KIAA0825: variants seen among roughly 807,000 people sequenced by gnomAD.
KIAA0825 encodes the protein uncharacterized protein KIAA0825.
Under a neutral mutation model 147.6 loss-of-function variants are expected in KIAA0825, and 119 were observed. The ratio of observed to expected loss-of-function variants is 0.81; its 90% CI spans 0.69 to 0.94. KIAA0825 has a LOEUF of 0.94. Ranked by LOEUF, KIAA0825 falls within the 40% of genes least tolerant of loss-of-function variation. The pLI, the probability that KIAA0825 is intolerant of heterozygous loss-of-function variation, is 0.00. For synonymous variants in KIAA0825, 470 were observed against 518.1 expected, an observed-to-expected ratio of 0.91 and a Z score of 1.26; for missense variants, 1,381 against 1,472.7, an observed-to-expected ratio of 0.94 and a Z score of 1.02.
chr5:94,460,751 TG>T lies in KIAA0825; in HGVS notation c.2246+1635del, dbSNP rs200829862. 3.4e-3 allele frequency among the ~76,000 whole-genome samples: 515 copies of T among 152,178 alleles called. 18 individuals carry two copies. In the East Asian group the frequency reaches 0.079, roughly 23 times the overall value. On this transcript the variant is annotated intron_variant, in intron 12 of 20. Coordinates refer to ENST00000682413, the MANE Select transcript of KIAA0825 (RefSeq NM_001145678.3). ...TTTCCCTAATTGGCAAAGAACATGT[TG>T]CCCTGTATATTTCATTTGTCAATAC...
chr5:94,164,608 T>C (rs932346796), intron 20 of KIAA0825, among the ~76,000 whole-genome samples: 5 of 152,064 alleles, frequency 3.3e-5, no homozygotes, highest in African/African-American at 1.2e-4. Context: ...AGATGGGGTT[T>C]CACCGTGTTA....
chr5:94,280,104 G>A (rs1170274610), intron 20 of KIAA0825, among the ~76,000 whole-genome samples: 1 of 152,100 alleles, frequency 6.6e-6, no homozygotes, highest in Non-Finnish European at 1.5e-5. Flanking sequence ...GCTGGCAGCA[G>A]AGTGGAAGAT....
chr5:94,363,706 T>A (rs935656102), intron 20 of KIAA0825, among the ~76,000 whole-genome samples: 20 of 151,738 alleles, frequency 1.3e-4, no homozygotes, highest in South Asian at 2.1e-4. Flanking sequence ...ACAAAAAAAA[T>A]TTTTTTTAAA....
chr5:94,548,054 A>C (rs547832919), intron 2 of KIAA0825, among the ~76,000 whole-genome samples: 2 of 152,288 alleles, frequency 1.3e-5, no homozygotes, highest in East Asian at 3.9e-4. Flanking sequence ...GATGTTAATG[A>C]GCAAGAAGAA....
intron 5 of KIAA0825, among the ~76,000 whole-genome samples, chr5:94,507,471 C>T (rs545844027): frequency 8.0e-6 from 1 of 125,596 alleles, no homozygotes; most frequent in African/African-American, 3.0e-5. Flanking sequence ...CCCAAAAAAA[C>T]CTGACAGGCT....
chr5:94,384,601 T>C, intron 19 of KIAA0825, 143 bp from the exon 20 acceptor site: 1 of 575,188 alleles, frequency 1.7e-6, no homozygotes, highest in Non-Finnish European at 3.1e-6. Context: ...ACATCAATCA[T>C]GTCCACAGAA....
chr5:94,264,439 G>T (rs760777875), intron 20 of KIAA0825, among the ~76,000 whole-genome samples: 1 of 152,098 alleles, frequency 6.6e-6, no homozygotes, highest in Non-Finnish European at 1.5e-5. Flanking sequence ...TTGTTTTTCT[G>T]CATCGAAGTT....
intron 20 of KIAA0825, among the ~76,000 whole-genome samples, chr5:94,187,153 G>A (rs1229117396): frequency 2.6e-5 from 4 of 152,144 alleles, no homozygotes; most frequent in Non-Finnish European, 5.9e-5. Context: ...AATAATCCAT[G>A]CAGGCACATC....
In KIAA0825 at chr5:94,152,918, G is replaced by A. The variant is rs1463812597; in HGVS notation, c.*1089C>T. The A allele has an allele frequency of 1.2e-5, 1 of 84,014 alleles. No individual in the cohort carries two copies. The highest frequency in any genetic ancestry group is 2.1e-5 in the Non-Finnish European group (1 of 46,754). 5.2% of individuals were successfully genotyped at this position (84,014 alleles called of 1,614,324 possible). ...TATATATATATGGTTTCTCCCAGAC[G>A]TTCTTAGACTGCCCAACCATGCAAT... On this transcript the variant is annotated 3_prime_UTR_variant, in exon 21 of 21. Transcript: ENST00000682413.
At position 94,524,103 on chromosome 5, in the gene KIAA0825, A is replaced by G. The variant is rs747357904; in HGVS notation, c.132-5T>C. On this transcript the variant is annotated splice_polypyrimidine_tract_variant and splice_region_variant and intron_variant, in intron 3 of 20. Transcript: ENST00000682413. ...TCTTTAATGCAATGTTTTATGCTAT[A>G]AAAAACAGAAGAAAAAGTTATTTTG... The G allele has an allele frequency of 3.2e-6, 5 of 1,587,296 alleles. No individual in the cohort carries two copies. The South Asian group carries it at 5.7e-5, about 18-fold the overall frequency.
chr5:94,270,870 G>A (rs1371780878), intron 20 of KIAA0825, among the ~76,000 whole-genome samples: 1 of 152,106 alleles, frequency 6.6e-6, no homozygotes, highest in African/African-American at 2.4e-5. Context: ...TATAAAAGGT[G>A]CAGATATCAT....
intron 20 of KIAA0825, among the ~76,000 whole-genome samples, chr5:94,253,320 G>A (rs987560071): frequency 6.6e-6 from 1 of 152,000 alleles, no homozygotes; most frequent in Non-Finnish European, 1.5e-5. Context: ...TAATTTCAAT[G>A]CCAGACTCAA....
At chr5:94,344,133 C>A (rs950651532) in intron 20 of KIAA0825, among the ~76,000 whole-genome samples, 4 of 152,150 alleles carry the variant, frequency 2.6e-5, no homozygotes, top group African/African-American at 9.7e-5. Context: ...CTCACACATA[C>A]CCCAAGGTTC....
intron 20 of KIAA0825, among the ~76,000 whole-genome samples, chr5:94,322,964 G>A (rs1780336365): frequency 6.6e-6 from 1 of 151,206 alleles, no homozygotes; most frequent in African/African-American, 2.4e-5. Flanking sequence ...CTGATTTCTT[G>A]GGTTTTTTAA....
chr5:94,260,916 G>C (rs560530256), intron 20 of KIAA0825, among the ~76,000 whole-genome samples: 1 of 152,118 alleles, frequency 6.6e-6, no homozygotes, highest in Non-Finnish European at 1.5e-5. Context: ...TAATTAAAAT[G>C]TTATATTTTT....
chr5:94,226,060 AT>A (rs1203554339), intron 20 of KIAA0825, among the ~76,000 whole-genome samples: 1 of 152,240 alleles, frequency 6.6e-6, no homozygotes, highest in Admixed American at 6.5e-5. Context: ...AGAAACTATC[AT>A]CAGAGTGAAC....
intron 20 of KIAA0825, among the ~76,000 whole-genome samples, chr5:94,349,406 A>G (rs554934821): frequency 3.9e-5 from 6 of 152,126 alleles, no homozygotes; most frequent in Non-Finnish European, 8.8e-5. Context: ...AAAGTCAACA[A>G]AGAAACAATA....
At chr5:94,407,091 GA>G (rs1191531608) in intron 15 of KIAA0825, among the ~76,000 whole-genome samples, 1 of 152,186 alleles carries the variant, frequency 6.6e-6, no homozygotes, top group Non-Finnish European at 1.5e-5. Context: ...ACTGAGAAAT[GA>G]AATGTACATG....
chr5:94,548,520 A>C (rs1774904867), intron 2 of KIAA0825, among the ~76,000 whole-genome samples: 1 of 152,190 alleles, frequency 6.6e-6, no homozygotes, highest in Non-Finnish European at 1.5e-5. Flanking sequence ...ACCACAAAAC[A>C]ACCAGAAAAC....
Sources: gnomAD v4.1 joint callset for allele counts (sites outside exome capture counted in the v4.1 genomes callset) on GRCh38, gnomAD v4.1.1 for gene constraint, MANE v1.5 for transcripts, NCBI Gene and HGNC (gene_info 2026-07-23, HGNC 2026-07-21) for gene names.